The following CREBBP variants were observed in gnomAD, a reference collection of about 807,000 sequenced individuals.
The protein encoded by CREBBP is CREB binding lysine acetyltransferase, also known as CREB-binding protein.
In CREBBP, 19 loss-of-function variants were observed where a neutral mutation model predicts 265.0. The observed-to-expected ratio is 0.07, with a 90% CI of 0.05 to 0.11. CREBBP has a LOEUF of 0.11. Among genes scored for constraint, CREBBP ranks in the 10% least tolerant of loss-of-function variants. CREBBP has a pLI of 1.00. For missense variants in CREBBP, 2,525 were observed against 3,219.0 expected, an observed-to-expected ratio of 0.78 and a Z score of 5.22; for synonymous variants, 1,457 against 1,223.7, an observed-to-expected ratio of 1.19 and a Z score of -3.98.
At position 3,731,548 on chromosome 16, in the gene CREBBP, C is replaced by A. The variant is rs2051917181; in HGVS notation, c.4891-75G>T. The A allele has an allele frequency of 6.6e-7, 1 of 1,525,318 alleles. No individual in the cohort carries two copies. The allele number at this position is 1,525,318 out of a possible 1,614,324, so 94.5% of individuals were successfully genotyped here. On this transcript the variant is annotated intron_variant, in intron 29 of 30. Coordinates refer to ENST00000262367, the MANE Select transcript of CREBBP (RefSeq NM_004380.3). This position sits in a 1 kb window ranked among gnomAD's most constrained non-coding sequence, Gnocchi z 7.7. Reference sequence around the variant, plus strand: ...AGTGGTGAGCTCAGGGCAGGCGCAGCCACCCAGCCTGCAGAATAGGCAGGT... The same window carrying A: ...AGTGGTGAGCTCAGGGCAGGCGCAGACACCCAGCCTGCAGAATAGGCAGGT...
chr16:3,767,498 C>G, intron 16 of CREBBP: 1 of 626,056 alleles, frequency 1.6e-6, no homozygotes, highest in Non-Finnish European at 2.8e-6. Flanking sequence ...GCCCTCGGAG[C>G]AGCAGCTCAT....
chr16:3,769,710 T>A (rs1596883508), intron 14 of CREBBP, among the ~76,000 whole-genome samples: 1 of 152,324 alleles, frequency 6.6e-6, no homozygotes, highest in South Asian at 2.1e-4. Context: ...GGCTGAATTA[T>A]GAATGCCTAA....
chr16:3,771,802 C>CCTT (rs1467432372), intron 13 of CREBBP, among the ~76,000 whole-genome samples: 8 of 131,936 alleles, frequency 6.1e-5, no homozygotes, highest in African/African-American at 2.1e-4. Context: ...CAATTTAAAA[C>CCTT]TTTTTTTTTT....
intron 1 of CREBBP, among the ~76,000 whole-genome samples, chr16:3,852,165 T>A (rs993979549): frequency 3.7e-5 from 4 of 108,970 alleles, no homozygotes; most frequent in Non-Finnish European, 8.2e-5. Flanking sequence ...TTGTTTTTTT[T>A]TTTTTTTTTT....
intron 3 of CREBBP, 48 bp from the exon 4 acceptor site, chr16:3,793,674 A>T (rs1217146105): frequency 6.3e-7 from 1 of 1,592,158 alleles, no homozygotes. Context: ...TCAGAGTTCC[A>T]AGTCATATTC....
At chr16:3,874,111 A>G (rs181149440) in intron 1 of CREBBP, among the ~76,000 whole-genome samples, 155 of 152,354 alleles carry the variant, frequency 1.0e-3, no homozygotes, top group African/African-American at 3.5e-3. Context: ...TGGGGTCAAC[A>G]AAAAGCAAAA....
chr16:3,741,393 G>GT (rs1459052021), intron 23 of CREBBP: 5 of 152,168 alleles, frequency 3.3e-5, no homozygotes, highest in African/African-American at 1.2e-4. Context: ...GGGAATTTTC[G>GT]AAGATTCCTT....
chr16:3,763,380 T>C (rs1461028010), intron 16 of CREBBP, among the ~76,000 whole-genome samples: 1 of 151,458 alleles, frequency 6.6e-6, no homozygotes, highest in Non-Finnish European at 1.5e-5. Flanking sequence ...AGGCTGGTCT[T>C]GAACTCTGGG....
chr16:3,791,758 G>A (rs901854108), intron 5 of CREBBP, among the ~76,000 whole-genome samples: 3 of 152,164 alleles, frequency 2.0e-5, no homozygotes, highest in Non-Finnish European at 4.4e-5. Context: ...GGGAGAGGGA[G>A]AGGCAGTGAG....
chr16:3,838,517 A>C (rs1024883118), intron 2 of CREBBP, among the ~76,000 whole-genome samples: 9 of 152,200 alleles, frequency 5.9e-5, no homozygotes, highest in African/African-American at 2.2e-4. Context: ...TTTGTGTTAC[A>C]GAAAATAATC....
chr16:3,750,667 C>A (rs569028604), intron 20 of CREBBP, among the ~76,000 whole-genome samples: 1 of 152,304 alleles, frequency 6.6e-6, no homozygotes, highest in Admixed American at 6.5e-5. Context: ...TAACCCTGTG[C>A]AGGAGTGAAC....
intron 2 of CREBBP, among the ~76,000 whole-genome samples, chr16:3,828,493 T>C (rs2054282660): frequency 6.6e-6 from 1 of 152,244 alleles, no homozygotes; most frequent in Non-Finnish European, 1.5e-5. Flanking sequence ...GCTTACAGCA[T>C]ACAAGGGTAT....
intron 28 of CREBBP, 82 bp downstream of exon 28, chr16:3,735,954 C>G (rs186519168): frequency 3.7e-6 from 6 of 1,611,946 alleles, no homozygotes; most frequent in Non-Finnish European, 5.1e-6. Flanking sequence ...AAGGACCTAA[C>G]AGTCGACACG....
intron 20 of CREBBP, 48 bp from the exon 21 acceptor site, chr16:3,749,731 T>C (rs1267403627): frequency 7.7e-7 from 1 of 1,297,408 alleles, no homozygotes; most frequent in Admixed American, 1.9e-5. Flanking sequence ...AATTTATCTG[T>C]TGAGTATAAA....
In CREBBP at chr16:3,727,614, C is replaced by G. The variant is rs142933739; in HGVS notation, c.*104G>C. ...AACATCAATCCACCCTTCCATGGCT[C>G]GGAAGTCGCAGTTCCATCTAGGAAT... On this transcript the variant is annotated 3_prime_UTR_variant, in exon 31 of 31. Coordinates refer to ENST00000262367, the MANE Select transcript of CREBBP (RefSeq NM_004380.3). The G allele has an allele frequency of 4.4e-6, 7 of 1,593,360 alleles. No homozygotes were observed.
chr16:3,736,812 A>G lies in CREBBP; in HGVS notation c.4398T>C (p.Tyr1466=), dbSNP rs147688139. ...GYLEYVKKLG[Y]VTGHIWACPP... Reference sequence around the variant, plus strand: ...GACAGGCCCAGATGTGCCCTGTCACATACCTGCAGGACCCACGCACACACG... The same window carrying G: ...GACAGGCCCAGATGTGCCCTGTCACGTACCTGCAGGACCCACGCACACACG... Residue 1466 remains tyrosine (Y), a synonymous_variant, in exon 27 of 31, where the codon TAT becomes TAC. Coordinates refer to ENST00000262367, the MANE Select transcript of CREBBP (RefSeq NM_004380.3). 6.2e-7 allele frequency: 1 copy of G among 1,614,188 alleles called. No homozygotes were observed. The highest frequency in any genetic ancestry group is 8.5e-7 in the Non-Finnish European group (1 of 1,180,038).
intron 21 of CREBBP, among the ~76,000 whole-genome samples, chr16:3,748,353 A>G (rs1393130285): frequency 6.6e-6 from 1 of 152,152 alleles, no homozygotes; most frequent in Non-Finnish European, 1.5e-5. Context: ...GAAAGACACA[A>G]TGTGAAAAGA....
chr16:3,728,331 C>T lies in CREBBP; in HGVS notation c.6716G>A (p.Gly2239Asp), dbSNP rs1343359084. 1.2e-5 allele frequency: 19 copies of T among 1,612,452 alleles called. No individual in the cohort carries two copies. The highest frequency in any genetic ancestry group is 1.6e-5 in the Non-Finnish European group (19 of 1,179,664). Residue 2239 changes from glycine to aspartate, a missense_variant, in exon 31 of 31, where the codon GGC becomes GAC. Physicochemically the swap from Gly to Asp is moderately conservative, Grantham distance 94. Around this residue, in one of 19 missense-constraint regions of CREBBP, gnomAD observed 473 missense variants for 459.3 expected, o/e 1.03. Coordinates refer to ENST00000262367, the MANE Select transcript of CREBBP (RefSeq NM_004380.3). This position sits in a 1 kb window ranked among gnomAD's most constrained non-coding sequence, Gnocchi z 8.7. The stretch of plus-strand genomic sequence containing the variant: ...CTGCTGCTGCATGGCCGGTGGGTAG[C>T]CTCCGGGTCCTTGAGGCTGCTGGAA... ...GQFQQPQGPG[G>D]YPPAMQQQQR...
chr16:3,729,100 G>C lies in CREBBP; in HGVS notation c.5947C>G (p.Pro1983Ala), dbSNP rs1326637502. 1 of 1,584,624 alleles carries C rather than the reference G, an allele frequency of 6.3e-7. No homozygotes were observed. The highest frequency in any genetic ancestry group is 2.3e-5 in the East Asian group (1 of 43,620). Residue 1983 changes from proline (P) to alanine (A), a missense_variant, in exon 31 of 31, where the codon CCA (proline) becomes GCA (alanine). This residue lies in a region of CREBBP where 275 missense variants were observed against 276.5 expected (regional missense o/e 0.99). Transcript: ENST00000262367. ...YRVNINNSMP[P>A]GRTGMGTPGS... ...GGGGTCCCCATGCCCGTGCGTCCTG[G>C]GGGCATGCTGTTGTTGATGTTCACC...
Sources: gnomAD v4.1 joint callset for allele counts (sites outside exome capture counted in the v4.1 genomes callset) on GRCh38, gnomAD v4.1.1 for gene constraint, gnomAD v4.1.1 regional missense constraint, Gnocchi (gnomAD v3.1) non-coding constraint, MANE v1.5 for transcripts, NCBI Gene and HGNC (gene_info 2026-07-23, HGNC 2026-07-21) for gene names.